Variants in PCDH9 observed in about 807,000 individuals in gnomAD.
PCDH9 encodes protocadherin 9, also known as protocadherin-9.
Under a neutral mutation model 70.6 loss-of-function variants are expected in PCDH9, and 24 were observed. That is an observed-to-expected ratio of 0.34 (90% CI 0.25 to 0.48). The LOEUF (loss-of-function observed/expected upper bound fraction) is 0.48. Among genes scored for constraint, PCDH9 ranks in the 20% least tolerant of loss-of-function variants. PCDH9 has a pLI of 0.99. For synonymous variants in PCDH9, 562 were observed against 558.5 expected, an observed-to-expected ratio of 1.01 and a Z score of -0.09; for missense variants, 1,281 against 1,503.6, an observed-to-expected ratio of 0.85 and a Z score of 2.45.
At chr13:66,705,753 C>T (rs568226078) in intron 3 of PCDH9, among the ~76,000 whole-genome samples, 16 of 151,986 alleles carry the variant, frequency 1.1e-4, no homozygotes, top group Admixed American at 1.0e-3. Context: ...AAATGTATCA[C>T]CAAAATAACT....
chr13:66,316,323 T>C (rs1955651090), intron 4 of PCDH9, among the ~76,000 whole-genome samples: 1 of 152,194 alleles, frequency 6.6e-6, no homozygotes, highest in African/African-American at 2.4e-5. Context: ...GACATGGATA[T>C]ATTTGGGGGA....
At chr13:66,434,792 A>G (rs1302059663) in intron 4 of PCDH9, among the ~76,000 whole-genome samples, 1 of 152,076 alleles carries the variant, frequency 6.6e-6, no homozygotes, top group African/African-American at 2.4e-5. Flanking sequence ...ACATTGTGAA[A>G]ATTTCCATAA....
chr13:66,752,098 G>T (rs74093184), intron 3 of PCDH9, among the ~76,000 whole-genome samples: 2 of 152,110 alleles, frequency 1.3e-5, no homozygotes, highest in African/African-American at 4.8e-5. Flanking sequence ...CAAGGAAAGG[G>T]CATCGGTGGC....
chr13:66,424,480 G>A (rs78696926), intron 4 of PCDH9, among the ~76,000 whole-genome samples: 1,937 of 152,002 alleles, frequency 0.013, 42 homozygotes, highest in African/African-American at 0.045. Context: ...AGCAACAAGT[G>A]ACCTGCATGG....
At chr13:66,345,675 TTTGGA>T (rs1956202127) in intron 4 of PCDH9, among the ~76,000 whole-genome samples, 1 of 152,188 alleles carries the variant, frequency 6.6e-6, no homozygotes, top group Non-Finnish European at 1.5e-5. Context: ...ATAAGGTTGA[TTTGGA>T]CCTCGTTCAC....
chr13:66,400,012 TC>T, intron 4 of PCDH9, among the ~76,000 whole-genome samples: 1 of 152,268 alleles, frequency 6.6e-6, no homozygotes, highest in Non-Finnish European at 1.5e-5. Context: ...GCAAAGCTAT[TC>T]CCAGTGCAGT....
At chr13:66,951,183 TTC>T (rs2083174377) in intron 2 of PCDH9, among the ~76,000 whole-genome samples, 1 of 152,184 alleles carries the variant, frequency 6.6e-6, no homozygotes, top group South Asian at 2.1e-4. Context: ...ACACATTTAT[TTC>T]TCTCTTTTTT....
intron 4 of PCDH9, among the ~76,000 whole-genome samples, chr13:66,326,666 G>A (rs1955853457): frequency 1.3e-5 from 2 of 151,948 alleles, no homozygotes. Flanking sequence ...TGATCCACCT[G>A]CCTCAGCCCT....
rs376472615 is a variant in PCDH9, at chr13:66,351,067, T to G, written c.3341-46039A>C. Among the ~76,000 whole-genome samples, 23 of 152,322 alleles carry G rather than the reference T, an allele frequency of 1.5e-4. No homozygotes were observed. In the East Asian group the frequency reaches 4.4e-3, roughly 29 times the overall value. ...AAGGATAGAATTATGATATTAATAATGATTTTAAAATAACTCTTATTACAA... is the reference window on the plus strand; with the variant it reads ...AAGGATAGAATTATGATATTAATAAGGATTTTAAAATAACTCTTATTACAA... On this transcript the variant is annotated intron_variant, in intron 4 of 4. Coordinates refer to ENST00000377865, the MANE Select transcript of PCDH9 (RefSeq NM_203487.3).
At chr13:66,990,813 AT>A (rs2139797090) in intron 2 of PCDH9, 1 of 151,876 alleles carries the variant, frequency 6.6e-6, no homozygotes, top group South Asian at 2.1e-4. Flanking sequence ...GATAATCAAT[AT>A]ATTTCCATCT....
chr13:66,977,586 T>C (rs1197674810), intron 2 of PCDH9: 2 of 152,172 alleles, frequency 1.3e-5, no homozygotes, highest in Admixed American at 6.6e-5. Context: ...GCAGCTTCTC[T>C]ATTCTGGCTT....
intron 4 of PCDH9, among the ~76,000 whole-genome samples, chr13:66,347,624 C>T (rs993059241): frequency 6.6e-6 from 1 of 152,178 alleles, no homozygotes; most frequent in Non-Finnish European, 1.5e-5. Context: ...GTACCTTAGT[C>T]ACTTCCTAGT....
chr13:66,871,286 C>T lies in PCDH9; in HGVS notation c.3138+32218G>A, dbSNP rs866326130. Among the ~76,000 whole-genome samples the T allele has an allele frequency of 7.6e-3, 1,152 of 151,028 alleles. 10 individuals carry two copies. The highest frequency in any genetic ancestry group is 0.026 in the African/African-American group (1,072 of 41,042). On this transcript the variant is annotated intron_variant, in intron 3 of 4. Coordinates refer to ENST00000377865, the MANE Select transcript of PCDH9 (RefSeq NM_203487.3). ...ATAGCATTAGGAGATATACCTAATGCTAAATGACAAGTTAATGGGTGCAGC... is the reference window on the plus strand; with the variant it reads ...ATAGCATTAGGAGATATACCTAATGTTAAATGACAAGTTAATGGGTGCAGC...
intron 2 of PCDH9, among the ~76,000 whole-genome samples, chr13:67,074,615 T>G (rs771435500): frequency 1.1e-4 from 16 of 152,148 alleles, no homozygotes; most frequent in Non-Finnish European, 2.1e-4. Context: ...CTCAAGAAGT[T>G]GTTTCATTTA....
In PCDH9 at chr13:67,225,834, CTTT is replaced by C; in HGVS notation, c.2604_2606del (p.Lys870del). 4 of 1,614,070 alleles carry C rather than the reference CTTT, an allele frequency of 2.5e-6. No homozygotes were observed. The highest frequency in any genetic ancestry group is 3.4e-6 in the Non-Finnish European group (4 of 1,180,008). On this transcript the variant is annotated inframe_deletion, in exon 2 of 5. Transcript: ENST00000377865. ...TGGGAGACTTCCTTTTCTTTCTTTT[CTTT>C]TTCTTGTTTTGCTTGTTCTCCTGGT... is the stretch of plus-strand genomic sequence containing the variant.
chr13:66,617,469 A>G (rs1437733374), intron 4 of PCDH9, among the ~76,000 whole-genome samples: 1 of 152,106 alleles, frequency 6.6e-6, no homozygotes, highest in East Asian at 1.9e-4. Context: ...CTAGTAAGTA[A>G]TTGTGTCTCT....
intron 3 of PCDH9, among the ~76,000 whole-genome samples, chr13:66,759,324 C>T (rs142729035): frequency 0.022 from 3,377 of 152,030 alleles, 133 homozygotes; most frequent in African/African-American, 0.075. Context: ...CTTTTGGTTG[C>T]CATTTGCTTG....
intron 4 of PCDH9, among the ~76,000 whole-genome samples, chr13:66,413,318 A>G (rs930694324): frequency 1.3e-5 from 2 of 152,178 alleles, no homozygotes; most frequent in African/African-American, 2.4e-5. Flanking sequence ...ATCTCCCTAT[A>G]CCCACATGGC....
chr13:66,982,625 C>T (rs554017998), intron 2 of PCDH9, among the ~76,000 whole-genome samples: 2 of 152,274 alleles, frequency 1.3e-5, no homozygotes, highest in South Asian at 4.1e-4. Context: ...ACCAAGTCTT[C>T]CTCTCAGAAA....
Sources: gnomAD v4.1 joint callset for allele counts (sites outside exome capture counted in the v4.1 genomes callset) on GRCh38, gnomAD v4.1.1 for gene constraint, MANE v1.5 for transcripts, NCBI Gene and HGNC (gene_info 2026-07-23, HGNC 2026-07-21) for gene names.